Variants in ARHGAP23 observed in about 807,000 individuals in gnomAD.
ARHGAP23 encodes Rho GTPase activating protein 23.
A neutral mutation model predicts 136.3 loss-of-function variants in ARHGAP23; 34 were observed. The ratio of observed to expected loss-of-function variants is 0.25; its 90% confidence interval spans 0.19 to 0.33. The LOEUF is 0.33. ARHGAP23 is among the 10% of genes least tolerant of loss of function. The pLI, the probability that ARHGAP23 is intolerant of heterozygous loss-of-function variation, is 1.00. For missense variants in ARHGAP23, 1,808 were observed against 2,139.0 expected (o/e 0.85, Z 3.05); for synonymous variants, 832 against 920.5 (o/e 0.90, Z 1.74).
intron 10 of ARHGAP23, among the ~76,000 whole-genome samples, chr17:38,470,289 C>T (rs549831385): frequency 4.6e-5 from 7 of 152,244 alleles, no homozygotes; most frequent in Non-Finnish European, 8.8e-5. Flanking sequence ...GCCTCATGCA[C>T]AATTGGTGTT....
At chr17:38,465,655 C>T (rs969882131) in intron 6 of ARHGAP23, among the ~76,000 whole-genome samples, 24 of 152,220 alleles carry the variant, frequency 1.6e-4, no homozygotes, top group Non-Finnish European at 2.8e-4. Context: ...CCTTCTCACC[C>T]CTGTGGCTCA....
intron 1 of ARHGAP23, among the ~76,000 whole-genome samples, chr17:38,455,883 G>A (rs2039312706): frequency 6.6e-6 from 1 of 152,192 alleles, no homozygotes; most frequent in Non-Finnish European, 1.5e-5. Context: ...CCCCCATGGG[G>A]GTGCAGGGCA....
intron 1 of ARHGAP23, among the ~76,000 whole-genome samples, chr17:38,438,713 G>T (rs2038857608): frequency 6.6e-6 from 1 of 152,198 alleles, no homozygotes; most frequent in African/African-American, 2.4e-5. Context: ...GCTGGGCGTG[G>T]TGGCTCACAC....
chr17:38,441,499 T>A (rs2038919385), intron 1 of ARHGAP23, among the ~76,000 whole-genome samples: 1 of 152,018 alleles, frequency 6.6e-6, no homozygotes, highest in South Asian at 2.1e-4. Context: ...GATGTCCAAG[T>A]CCCTCATCAT....
intron 23 of ARHGAP23, among the ~76,000 whole-genome samples, chr17:38,507,572 C>A (rs1196039466): frequency 6.6e-6 from 1 of 152,148 alleles, no homozygotes; most frequent in Non-Finnish European, 1.5e-5. Flanking sequence ...TCAGTCTGAC[C>A]TCGTTGCTTC....
At chr17:38,509,781 A>T (rs1597858409) in intron 23 of ARHGAP23, among the ~76,000 whole-genome samples, 163 bp from the exon 24 acceptor site, 1 of 152,266 alleles carries the variant, frequency 6.6e-6, no homozygotes, top group Middle Eastern at 3.4e-3. Flanking sequence ...GGAGGGCGGC[A>T]CGGGGCTGGA....
rs570918406 is a variant in ARHGAP23, at chr17:38,482,383, C to T, written c.2752-140C>T. On this transcript the variant is annotated intron_variant, in intron 15 of 23. Transcript: ENST00000622683. ...CGAGGCTTTGGTGTCATTTTTAGCT[C>T]CCAGACTGGAGGCAGCAAGGGCCTT... The T allele has an allele frequency of 1.9e-4, 204 of 1,062,368 alleles. No homozygotes were observed. In the Admixed American group the frequency reaches 5.0e-3, roughly 26 times the overall value. 65.8% of individuals were successfully genotyped at this position (1,062,368 alleles called of 1,614,324 possible).
At position 38,446,713 on chromosome 17, in the gene ARHGAP23, G is replaced by A. The variant is rs1361212882; in HGVS notation, c.64-11389G>A. Among the ~76,000 whole-genome samples the A allele has an allele frequency of 5.3e-5, 8 of 151,746 alleles. No homozygotes were observed. The East Asian group carries it at 1.5e-3, about 29-fold the overall frequency. On this transcript the variant is annotated intron_variant, in intron 1 of 23. Coordinates refer to ENST00000622683, the MANE Select transcript of ARHGAP23 (RefSeq NM_001199417.2). Reference sequence around the variant, plus strand: ...TGCAACCTCCGCCTCCCTGGTTCAAGCGATTCTCCTGCCTTAGCCTCCTGT... The same window carrying A: ...TGCAACCTCCGCCTCCCTGGTTCAAACGATTCTCCTGCCTTAGCCTCCTGT...
chr17:38,424,549 C>G (rs949996555), upstream of ARHGAP23, among the ~76,000 whole-genome samples: 6 of 152,130 alleles, frequency 3.9e-5, no homozygotes, highest in Non-Finnish European at 7.4e-5. Flanking sequence ...CTGCCTACCC[C>G]CAAGCCAGGG....
At chr17:38,504,733 T>G (rs575481872) in intron 23 of ARHGAP23, among the ~76,000 whole-genome samples, 19 of 152,200 alleles carry the variant, frequency 1.2e-4, no homozygotes, top group African/African-American at 4.1e-4. Context: ...GACAGAGTGC[T>G]CCCAAGCTCA....
At chr17:38,466,057 G>A in intron 6 of ARHGAP23, 110 bp from the exon 7 acceptor site, 2 of 888,352 alleles carry the variant, frequency 2.3e-6, no homozygotes, top group Non-Finnish European at 3.2e-6. Context: ...CCACCGCTTG[G>A]TCCTCTCCCT....
chr17:38,443,255 C>T lies in ARHGAP23; in HGVS notation c.63+14707C>T, dbSNP rs1049898240. Among the ~76,000 whole-genome samples the T allele has an allele frequency of 7.2e-5, 11 of 152,314 alleles. No individual in the cohort carries two copies. The East Asian group carries it at 1.2e-3, about 16-fold the overall frequency. ...AGCATTCCCTGCCTAGCACCCAACCCGGTGGAGAGCCAGGAGTTGCAGGTG... is the reference window on the plus strand; with the variant it reads ...AGCATTCCCTGCCTAGCACCCAACCTGGTGGAGAGCCAGGAGTTGCAGGTG... On this transcript the variant is annotated intron_variant, in intron 1 of 23. Transcript: ENST00000622683.
At chr17:38,421,781 A>G (rs1418921271) in intron 1 of ARHGAP23, among the ~76,000 whole-genome samples, 1 of 152,222 alleles carries the variant, frequency 6.6e-6, no homozygotes, top group African/African-American at 2.4e-5. Flanking sequence ...TCAGGGCCAG[A>G]CAGAGGAGAG....
In ARHGAP23 at chr17:38,430,515, G is replaced by A. The variant is rs143317120; in HGVS notation, c.63+1967G>A. On this transcript the variant is annotated intron_variant, in intron 1 of 23. Coordinates refer to ENST00000622683, the MANE Select transcript of ARHGAP23 (RefSeq NM_001199417.2). Reference sequence around the variant, plus strand: ...TGCTGGTTCTGAGCAGAGCAGTGCAGGAGTGGGTAGTGGATTGCTTCATCC... The same window carrying A: ...TGCTGGTTCTGAGCAGAGCAGTGCAAGAGTGGGTAGTGGATTGCTTCATCC... Among the ~76,000 whole-genome samples the A allele has an allele frequency of 2.3e-3, 343 of 152,308 alleles. 5 individuals are homozygous for A. Among genetic ancestry groups the A allele is most frequent in the African/African-American group, 7.8e-3 (325 of 41,564 alleles).
intron 1 of ARHGAP23, among the ~76,000 whole-genome samples, chr17:38,434,886 C>T (rs1427353676): frequency 2.0e-5 from 3 of 152,170 alleles, no homozygotes; most frequent in Non-Finnish European, 4.4e-5. Flanking sequence ...CAGAGCTTTT[C>T]CTGCTTCTGA....
At chr17:38,449,396 A>G (rs915900417) in intron 1 of ARHGAP23, among the ~76,000 whole-genome samples, 3 of 152,186 alleles carry the variant, frequency 2.0e-5, no homozygotes, top group African/African-American at 7.2e-5. Flanking sequence ...GATGGGGGTT[A>G]TGTGTACATG....
chr17:38,485,546 T>G (rs2040140832), intron 16 of ARHGAP23, among the ~76,000 whole-genome samples: 1 of 152,068 alleles, frequency 6.6e-6, no homozygotes, highest in Admixed American at 6.5e-5. Context: ...AGGGCTGGGG[T>G]GCAGGTGACA....
At chr17:38,492,431 C>T (rs2040298579) in intron 20 of ARHGAP23, among the ~76,000 whole-genome samples, 1 of 152,142 alleles carries the variant, frequency 6.6e-6, no homozygotes, top group Admixed American at 6.5e-5. Flanking sequence ...GGCCCTATCA[C>T]CCCCATTTTA....
rs1356309954 is a variant in ARHGAP23 at position 38,510,787 on chromosome 17, C to A, written c.4291C>A (p.Pro1431Thr). Residue 1431 changes from proline (P) to threonine (T), a missense_variant, in exon 24 of 24, where the codon CCG (proline) becomes ACG (threonine). Physicochemically the swap from Pro to Thr is conservative, Grantham distance 38. This residue lies in a region of ARHGAP23 where 506 missense variants were observed against 455.8 expected (regional missense o/e 1.11). Coordinates refer to ENST00000622683, the MANE Select transcript of ARHGAP23 (RefSeq NM_001199417.2). This position sits in a 1 kb window ranked among gnomAD's most constrained non-coding sequence, Gnocchi z 4.6. ...EWKELGGGGP[P>T]EPAGARAHSD... ...GAAGGAGCTGGGCGGAGGGGGCCCC[C>A]CGGAGCCTGCGGGCGCGCGGGCGCA... The A allele has an allele frequency of 2.0e-6, 3 of 1,503,050 alleles. No individual in the cohort carries two copies. The highest frequency in any genetic ancestry group is 2.2e-5 in the Admixed American group (1 of 45,080). The allele number at this position is 1,503,050 out of a possible 1,614,324, so 93.1% of individuals were successfully genotyped here.
Sources: allele counts gnomAD v4.1 joint callset (sites outside exome capture counted in the v4.1 genomes callset), GRCh38; gene constraint gnomAD v4.1.1; regional missense constraint gnomAD v4.1.1; non-coding constraint Gnocchi (gnomAD v3.1); transcripts MANE v1.5; gene names NCBI Gene and HGNC (gene_info 2026-07-23, HGNC 2026-07-21).